Variants in CCSER1 observed in about 807,000 individuals in gnomAD.
CCSER1 encodes the protein serine-rich coiled-coil domain-containing protein 1.
A neutral mutation model predicts 82.0 loss-of-function variants in CCSER1; 41 were observed. That is an observed-to-expected ratio of 0.50 (90% CI 0.39 to 0.65). The LOEUF (loss-of-function observed/expected upper bound fraction) is 0.65. Ranked by LOEUF, CCSER1 falls within the 30% of genes least tolerant of loss-of-function variation. The pLI is 0.00. For missense variants in CCSER1, 1,119 were observed against 1,064.2 expected, an observed-to-expected ratio of 1.05 and a Z score of -0.72; for synonymous variants, 414 against 383.9, an observed-to-expected ratio of 1.08 and a Z score of -0.92.
chr4:91,476,387 G>A (rs577836451), intron 10 of CCSER1, among the ~76,000 whole-genome samples: 2 of 151,610 alleles, frequency 1.3e-5, no homozygotes, highest in Non-Finnish European at 3.0e-5. Context: ...TTTATGATTA[G>A]TGATGTTGAG....
intron 1 of CCSER1, among the ~76,000 whole-genome samples, chr4:90,196,470 A>G (rs1056417056): frequency 4.6e-5 from 7 of 152,022 alleles, no homozygotes; most frequent in Non-Finnish European, 8.8e-5. Flanking sequence ...GCCAGCCCAC[A>G]TCAAAATACA....
At chr4:90,610,882 G>T (rs950967998) in intron 5 of CCSER1, among the ~76,000 whole-genome samples, 2 of 151,416 alleles carry the variant, frequency 1.3e-5, no homozygotes, top group African/African-American at 4.9e-5. Flanking sequence ...TTCTTTTTTT[G>T]TTGTTGTTTC....
intron 10 of CCSER1, among the ~76,000 whole-genome samples, chr4:91,104,046 G>A (rs1312847787): frequency 3.3e-5 from 5 of 152,064 alleles, no homozygotes; most frequent in Non-Finnish European, 7.4e-5. Context: ...TTGAGATAAG[G>A]ACTGAGATAA....
rs554447155 is a variant in CCSER1, at chr4:91,567,086, G to A, written c.2218-31486G>A. Among the ~76,000 whole-genome samples, 30 of 152,068 alleles carry A rather than the reference G, an allele frequency of 2.0e-4. No homozygotes were observed. In the South Asian group the frequency reaches 6.0e-3, roughly 30 times the overall value. Reference sequence around the variant, plus strand: ...AGAGATTCTGGTATATTGTATATTTGTTCCCATTATTTTCAAAGAACTTCT... The same window carrying A: ...AGAGATTCTGGTATATTGTATATTTATTCCCATTATTTTCAAAGAACTTCT... On this transcript the variant is annotated intron_variant, in intron 10 of 10. Transcript: ENST00000509176.
intron 10 of CCSER1, among the ~76,000 whole-genome samples, chr4:91,471,843 G>T (rs1757290307): frequency 6.6e-6 from 1 of 151,244 alleles, no homozygotes; most frequent in Non-Finnish European, 1.5e-5. Flanking sequence ...AGTGGCGGGC[G>T]CCTGTAGTCC....
At chr4:90,781,551 T>A (rs1753786561) in intron 7 of CCSER1, 1 of 979,734 alleles carries the variant, frequency 1.0e-6, no homozygotes, top group African/African-American at 1.7e-5. Context: ...TGATAAAATA[T>A]GAAATACATA....
intron 10 of CCSER1, among the ~76,000 whole-genome samples, chr4:91,327,323 A>G (rs1278725085): frequency 6.6e-6 from 1 of 152,138 alleles, no homozygotes; most frequent in Non-Finnish European, 1.5e-5. Flanking sequence ...CAGGCCCAAT[A>G]CCACGGGGAA....
intron 5 of CCSER1, among the ~76,000 whole-genome samples, chr4:90,553,658 T>A: frequency 6.6e-6 from 1 of 152,340 alleles, no homozygotes; most frequent in Middle Eastern, 3.4e-3. Flanking sequence ...CTCATTCATT[T>A]TAATTGGTTA....
rs1409805110 is a variant in CCSER1, at chr4:90,448,048, T to TC, written c.1604-20182dup. ...AAATGCATTTTAGTTAAACCACCCTTCCCCTGAGGGCATTGTTTATTGCTT... is the reference window on the plus strand; with the variant it reads ...AAATGCATTTTAGTTAAACCACCCTTCCCCCTGAGGGCATTGTTTATTGCTT... On this transcript the variant is annotated intron_variant, in intron 4 of 10. Transcript: ENST00000509176. Among the ~76,000 whole-genome samples the TC allele has an allele frequency of 4.6e-5, 7 of 152,108 alleles. No homozygotes were observed. In the South Asian group the frequency reaches 1.2e-3, roughly 27 times the overall value.
chr4:90,265,700 G>T (rs1435741070), intron 1 of CCSER1, among the ~76,000 whole-genome samples: 3 of 152,144 alleles, frequency 2.0e-5, no homozygotes, highest in East Asian at 3.9e-4. Flanking sequence ...GAATCCAGCT[G>T]TTTTACACTA....
At chr4:90,519,146 T>C (rs116570906) in intron 5 of CCSER1, among the ~76,000 whole-genome samples, 1,894 of 151,968 alleles carry the variant, frequency 0.012, 13 homozygotes, top group South Asian at 0.023. Context: ...ACTTCTAAAA[T>C]CTCCATTCAT....
chr4:90,752,358 A>G (rs568368446), intron 7 of CCSER1, among the ~76,000 whole-genome samples: 8 of 152,104 alleles, frequency 5.3e-5, no homozygotes, highest in African/African-American at 7.2e-5. Flanking sequence ...GTGTGGAATA[A>G]TTCATTACAT....
At chr4:90,720,885 T>G (rs1376256497) in intron 6 of CCSER1, among the ~76,000 whole-genome samples, 1 of 152,030 alleles carries the variant, frequency 6.6e-6, no homozygotes, top group Non-Finnish European at 1.5e-5. Context: ...CCTCTTATTC[T>G]TCAATTTCTC....
intron 1 of CCSER1, among the ~76,000 whole-genome samples, chr4:90,167,844 TG>T (rs1730803894): frequency 6.6e-6 from 1 of 152,122 alleles, no homozygotes; most frequent in South Asian, 2.1e-4. Context: ...ATGGTGTATA[TG>T]TGCCACATTT....
intron 4 of CCSER1, among the ~76,000 whole-genome samples, chr4:90,405,931 A>G (rs1753645032): frequency 6.6e-6 from 1 of 152,054 alleles, no homozygotes; most frequent in Admixed American, 6.5e-5. Flanking sequence ...ATCTCACTGA[A>G]CCTATATAAC....
intron 10 of CCSER1, among the ~76,000 whole-genome samples, chr4:91,282,925 G>T: frequency 6.6e-6 from 1 of 151,930 alleles, no homozygotes; most frequent in East Asian, 1.9e-4. Context: ...AATAATAAAA[G>T]AAAATAAATG....
intron 1 of CCSER1, among the ~76,000 whole-genome samples, chr4:90,246,706 G>A (rs1179034460): frequency 6.6e-6 from 1 of 152,028 alleles, no homozygotes; most frequent in African/African-American, 2.4e-5. Context: ...CTATGATAAA[G>A]TTTAATATAT....
chr4:91,442,319 A>T (rs533145898), intron 10 of CCSER1, among the ~76,000 whole-genome samples: 26 of 152,184 alleles, frequency 1.7e-4, no homozygotes, highest in African/African-American at 6.3e-4. Context: ...ATAATGCCGC[A>T]TATCTACCAC....
intron 6 of CCSER1, among the ~76,000 whole-genome samples, chr4:90,712,816 G>T (rs903415344): frequency 1.3e-5 from 2 of 150,938 alleles, no homozygotes; most frequent in Non-Finnish European, 2.9e-5. Flanking sequence ...GAATCTGGGT[G>T]CTCCTGTATT....
Sources: allele counts gnomAD v4.1 joint callset (sites outside exome capture counted in the v4.1 genomes callset), GRCh38; gene constraint gnomAD v4.1.1; transcripts MANE v1.5; gene names NCBI Gene and HGNC (gene_info 2026-07-23, HGNC 2026-07-21).